The following MALRD1 variants were observed in gnomAD, a reference collection of about 807,000 sequenced individuals.
MALRD1 encodes MAM and LDL-receptor class A domain-containing protein 1.
In MALRD1, 247 loss-of-function variants were observed where a neutral mutation model predicts 242.1. That is an observed-to-expected ratio of 1.02 (90% CI 0.92 to 1.13). The LOEUF (loss-of-function observed/expected upper bound fraction) is 1.13, where lower values mean the gene tolerates loss of function less well. Among genes scored for constraint, MALRD1 ranks in the 50% most tolerant of loss-of-function variants. The pLI, the probability that MALRD1 is intolerant of heterozygous loss-of-function variation, is 0.00. For missense variants in MALRD1, 2,989 were observed against 2,533.1 expected, an observed-to-expected ratio of 1.18 and a Z score of -3.86; for synonymous variants, 995 against 866.6, an observed-to-expected ratio of 1.15 and a Z score of -2.60.
chr10:19,276,940 G>T (rs1260520968), intron 19 of MALRD1, among the ~76,000 whole-genome samples: 1 of 151,892 alleles, frequency 6.6e-6, no homozygotes, highest in Admixed American at 6.6e-5. Context: ...GGGGTGGGAA[G>T]GTGGGGTCTT....
intron 21 of MALRD1, among the ~76,000 whole-genome samples, chr10:19,294,238 C>G (rs952351245): frequency 2.0e-5 from 3 of 152,104 alleles, no homozygotes; most frequent in Non-Finnish European, 4.4e-5. Context: ...TACTTACATT[C>G]TAACTCCTGT....
chr10:19,308,545 C>T (rs1013484444), intron 21 of MALRD1, among the ~76,000 whole-genome samples: 91 of 151,484 alleles, frequency 6.0e-4, no homozygotes, highest in Non-Finnish European at 9.5e-4. Flanking sequence ...ATAATAGTTT[C>T]TGCAGGCTGT....
chr10:19,449,930 G>C (rs1245675498), intron 28 of MALRD1, among the ~76,000 whole-genome samples: 2 of 152,204 alleles, frequency 1.3e-5, no homozygotes, highest in Admixed American at 1.3e-4. Context: ...TGCAGAGCTG[G>C]AAAGCTCTAA....
Position 19,567,820 on chromosome 10 carries a change from A to T in MALRD1, c.5680+117A>T. On this transcript the variant is annotated intron_variant, in intron 33 of 39. Transcript: ENST00000454679. ...TTTCTGGGTCCAGTTCTATTTACACATGGAAAAGAGTCACATATACTAAGA... is the reference window on the plus strand; with the variant it reads ...TTTCTGGGTCCAGTTCTATTTACACTTGGAAAAGAGTCACATATACTAAGA... 15 of 909,242 alleles carry T rather than the reference A, an allele frequency of 1.6e-5. No individual in the cohort carries two copies. In the South Asian group the frequency reaches 2.6e-4, roughly 16 times the overall value. 56.3% of individuals were successfully genotyped at this position (909,242 alleles called of 1,614,324 possible). A position where few individuals can be genotyped will look rare whatever the true frequency, so the allele number is the denominator to read the frequency against.
chr10:19,183,820 A>G (rs1012754586), intron 14 of MALRD1, among the ~76,000 whole-genome samples: 7 of 152,364 alleles, frequency 4.6e-5, no homozygotes, highest in African/African-American at 1.4e-4. Context: ...GCCTTGGATG[A>G]TTTAATCAAA....
At chr10:19,402,608 C>T (rs1379499302) in intron 28 of MALRD1, among the ~76,000 whole-genome samples, 1 of 152,012 alleles carries the variant, frequency 6.6e-6, no homozygotes, top group Non-Finnish European at 1.5e-5. Flanking sequence ...TTATTAGCAG[C>T]ATGAGAACAG....
chr10:19,517,256 G>A (rs1324369861), intron 31 of MALRD1, among the ~76,000 whole-genome samples: 1 of 152,146 alleles, frequency 6.6e-6, no homozygotes, highest in East Asian at 1.9e-4. Flanking sequence ...AAGCCCTTAA[G>A]TACTTTCTCC....
intron 10 of MALRD1, among the ~76,000 whole-genome samples, chr10:19,142,398 G>A (rs1313499752): frequency 4.6e-5 from 7 of 151,894 alleles, no homozygotes; most frequent in Non-Finnish European, 8.8e-5. Context: ...ATTTCACAGA[G>A]AGCTGATTAA....
intron 5 of MALRD1, among the ~76,000 whole-genome samples, chr10:19,106,793 GT>G (rs1408779869): frequency 6.6e-6 from 1 of 151,734 alleles, no homozygotes; most frequent in East Asian, 1.9e-4. Context: ...CTTAGAATTG[GT>G]TTTGCTGTGT....
intron 26 of MALRD1, among the ~76,000 whole-genome samples, chr10:19,367,078 G>T (rs1341765271): frequency 6.6e-6 from 1 of 152,056 alleles, no homozygotes; most frequent in Non-Finnish European, 1.5e-5. Context: ...AGGGTAATTT[G>T]CATATCCATT....
chr10:19,465,581 A>G (rs1836180401), intron 29 of MALRD1, among the ~76,000 whole-genome samples: 1 of 152,180 alleles, frequency 6.6e-6, no homozygotes, highest in Non-Finnish European at 1.5e-5. Context: ...CCCAGGCTGA[A>G]GTATAATAGC....
intron 36 of MALRD1, among the ~76,000 whole-genome samples, chr10:19,671,959 T>C (rs1457669563): frequency 6.6e-6 from 1 of 152,090 alleles, no homozygotes; most frequent in Non-Finnish European, 1.5e-5. Context: ...TTTTTTCCAA[T>C]TTTTCTCTTG....
chr10:19,103,559 A>AT (rs933573275), intron 4 of MALRD1, among the ~76,000 whole-genome samples: 2 of 128,122 alleles, frequency 1.6e-5, no homozygotes, highest in African/African-American at 6.7e-5. Flanking sequence ...CTCAAAAAAA[A>AT]AAAAAATAAA....
chr10:19,524,524 A>C (rs1447813594), intron 31 of MALRD1, among the ~76,000 whole-genome samples: 1 of 152,104 alleles, frequency 6.6e-6, no homozygotes, highest in Non-Finnish European at 1.5e-5. Context: ...TGAAAGCACA[A>C]AAAGAGATTG....
In MALRD1 at chr10:19,193,045, C is replaced by T. The variant is rs118070330; in HGVS notation, c.1952-10683C>T. Among the ~76,000 whole-genome samples, 868 of 152,198 alleles carry T rather than the reference C, an allele frequency of 5.7e-3. 3 individuals are homozygous for T. The highest frequency in any genetic ancestry group is 0.013 in the African/African-American group (536 of 41,516). On this transcript the variant is annotated intron_variant, in intron 14 of 39. Coordinates refer to ENST00000454679, the MANE Select transcript of MALRD1 (RefSeq NM_001142308.3). ...TTGTTCTTTTGTGCTCACAGGGATCCTTGAAATATAGCTTTATATTCTTTT... is the reference window on the plus strand; with the variant it reads ...TTGTTCTTTTGTGCTCACAGGGATCTTTGAAATATAGCTTTATATTCTTTT...
rs1322484834 is a variant in MALRD1, at chr10:19,601,768, A to G, written c.5945-6009A>G. Among the ~76,000 whole-genome samples the G allele has an allele frequency of 3.3e-5, 5 of 152,222 alleles. No homozygotes were observed. In the South Asian group the frequency reaches 8.3e-4, roughly 25 times the overall value. ...CACAGTAGAAATTGGATGAAGAAAT[A>G]TGGATAAATTCCTATCTCCAATAGA... is the stretch of plus-strand genomic sequence containing the variant. On this transcript the variant is annotated intron_variant, in intron 34 of 39. Transcript: ENST00000454679.
chr10:19,213,091 A>G lies in MALRD1; in HGVS notation c.2991+3411A>G, dbSNP rs148945699. Among the ~76,000 whole-genome samples the G allele has an allele frequency of 4.5e-4, 69 of 151,966 alleles. No homozygotes were observed. In the East Asian group the frequency reaches 0.012, roughly 26 times the overall value. On this transcript the variant is annotated intron_variant, in intron 18 of 39. Transcript: ENST00000454679. ...GAGCAGATTCTTTTTTTTAAATTTGATGAGTTCTTCTTATCAATATATTAT... is the reference window on the plus strand; with the variant it reads ...GAGCAGATTCTTTTTTTTAAATTTGGTGAGTTCTTCTTATCAATATATTAT...
chr10:19,187,608 A>G (rs1835796067), intron 14 of MALRD1, among the ~76,000 whole-genome samples: 2 of 152,180 alleles, frequency 1.3e-5, no homozygotes, highest in South Asian at 2.1e-4. Flanking sequence ...CAGCCCACCT[A>G]GAGCAATGGT....
chr10:19,601,402 G>A (rs1838335711), intron 34 of MALRD1, among the ~76,000 whole-genome samples: 1 of 151,804 alleles, frequency 6.6e-6, no homozygotes, highest in Non-Finnish European at 1.5e-5. Flanking sequence ...TCAGTACAAT[G>A]TTATTTGCTT....
Sources: gnomAD v4.1 joint callset for allele counts (sites outside exome capture counted in the v4.1 genomes callset) on GRCh38, gnomAD v4.1.1 for gene constraint, MANE v1.5 for transcripts, NCBI Gene and HGNC (gene_info 2026-07-23, HGNC 2026-07-21) for gene names.